The following WDR83 variants were observed in gnomAD, a reference collection of about 807,000 sequenced individuals.
WDR83 encodes the protein WD repeat domain 83, also known as WD repeat domain-containing protein 83.
In WDR83, 37 loss-of-function variants were observed where a neutral mutation model predicts 37.7. The observed-to-expected ratio is 0.98, with a 90% CI of 0.76 to 1.29. The LOEUF (loss-of-function observed/expected upper bound fraction) is 1.29, where lower values mean the gene tolerates loss of function less well. Among genes scored for constraint, WDR83 ranks in the 50% most tolerant of loss-of-function variants. WDR83 has a pLI of 0.00. For missense variants in WDR83, 445 were observed against 414.4 expected (o/e 1.07, Z -0.64); for synonymous variants, 174 against 181.1 (o/e 0.96, Z 0.31).
chr19:12,668,218 G>A (rs137992994), intron 1 of WDR83: 331 of 835,186 alleles, frequency 4.0e-4, no homozygotes, highest in East Asian at 1.9e-3. Flanking sequence ...AAAGGGCCAG[G>A]TTCCCTCTAT....
intron 2 of WDR83, chr19:12,669,401 C>CAT: frequency 6.3e-7 from 1 of 1,596,188 alleles, no homozygotes; most frequent in Non-Finnish European, 8.5e-7. Context: ...TGTTAGTGGA[C>CAT]ATAGCGAGTC....
chr19:12,670,293 A>G lies in WDR83; in HGVS notation c.330+8A>G, dbSNP rs1214716288. 10 of 1,612,902 alleles carry G rather than the reference A, an allele frequency of 6.2e-6. No homozygotes were observed. The East Asian group carries it at 2.2e-4, about 36-fold the overall frequency. ...TTCCGGGGCCACGCAGGGGTGAGTG[A>G]AAGCCTGGAGACCCTCATTTGAGTG... is the stretch of plus-strand genomic sequence containing the variant. On this transcript the variant is annotated splice_region_variant and intron_variant, in intron 5 of 10. Transcript: ENST00000418543.
At chr19:12,670,443 T>C in intron 5 of WDR83, 120 bp from the exon 6 acceptor site, 1 of 1,536,614 alleles carries the variant, frequency 6.5e-7, no homozygotes, top group Non-Finnish European at 8.9e-7. Context: ...CCCCTGTCCT[T>C]GCTGTTCCCC....
rs143946475 is a variant in WDR83, at chr19:12,669,045, AAGAC to A, written c.-37+420_-37+423del. ...CAGGTCCCGCCCCATCAGCAATGAC[AAGAC>A]ACCCCGCTTCATTCCAAACCCGCCC... On this transcript the variant is annotated intron_variant, in intron 2 of 10. Coordinates refer to ENST00000418543, the MANE Select transcript of WDR83 (RefSeq NM_001099737.3). 3.0e-3 allele frequency: 4,368 copies of A among 1,432,360 alleles called. 110 individuals are homozygous for A. In the African/African-American group the frequency reaches 0.053, roughly 18 times the overall value. The allele number at this position is 1,432,360 out of a possible 1,614,324, so 88.7% of individuals were successfully genotyped here.
chr19:12,673,517 A>G lies in WDR83; in HGVS notation c.798+201A>G, dbSNP rs138101261. Among the ~76,000 whole-genome samples, 1,134 of 147,864 alleles carry G rather than the reference A, an allele frequency of 7.7e-3. 12 individuals are homozygous for G. Among genetic ancestry groups the G allele is most frequent in the Middle Eastern group, 0.029 (8 of 278 alleles). On this transcript the variant is annotated intron_variant, in intron 10 of 10. Coordinates refer to ENST00000418543, the MANE Select transcript of WDR83 (RefSeq NM_001099737.3). ...ACTGTAAACTCCGCCTCCCAAGTTCAAGCGATTCTCCTGCCTCAGTCTCCT... is the reference window on the plus strand; with the variant it reads ...ACTGTAAACTCCGCCTCCCAAGTTCGAGCGATTCTCCTGCCTCAGTCTCCT...
At position 12,670,617 on chromosome 19, in the gene WDR83, T is replaced by A; in HGVS notation, c.379+6T>A. On this transcript the variant is annotated splice_donor_region_variant and intron_variant, in intron 6 of 10. Coordinates refer to ENST00000418543, the MANE Select transcript of WDR83 (RefSeq NM_001099737.3). ...GGCCACAGTTATCCTGTCCGGTGAGTCTGGGGCCTAAGCACGGGGGCCCAG... is the reference window on the plus strand; with the variant it reads ...GGCCACAGTTATCCTGTCCGGTGAGACTGGGGCCTAAGCACGGGGGCCCAG... 1 of 1,614,130 alleles carries A rather than the reference T, an allele frequency of 6.2e-7. No individual in the cohort carries two copies. Among genetic ancestry groups the A allele is most frequent in the Non-Finnish European group, 8.5e-7 (1 of 1,180,002 alleles).
chr19:12,669,230 G>T, intron 2 of WDR83: 1 of 1,613,954 alleles, frequency 6.2e-7, no homozygotes, highest in South Asian at 1.1e-5. Context: ...GCGGGGGCTT[G>T]TACCTGCGAC....
At position 12,666,953 on chromosome 19, in the gene WDR83, T is replaced by C; in HGVS notation, c.-196T>C. 2 of 561,452 alleles carry C rather than the reference T, an allele frequency of 3.6e-6. No individual in the cohort carries two copies. The highest frequency in any genetic ancestry group is 2.3e-5 in the South Asian group (1 of 44,278). The allele number at this position is 561,452 out of a possible 1,614,324, so 34.8% of individuals were successfully genotyped here. Reference sequence around the variant, plus strand: ...ACGGGCTATGAAGACGGAATGCCTCTTAATGCCGGAATTCCAAGACGGAAT... The same window carrying C: ...ACGGGCTATGAAGACGGAATGCCTCCTAATGCCGGAATTCCAAGACGGAAT... On this transcript the variant is annotated 5_prime_UTR_variant, in exon 1 of 11. Transcript: ENST00000418543.
At chr19:12,674,515 C>CCA (rs2024513393) in intron 10 of WDR83, among the ~76,000 whole-genome samples, 1 of 152,212 alleles carries the variant, frequency 6.6e-6, no homozygotes, top group Non-Finnish European at 1.5e-5. Flanking sequence ...AATGTTCCAC[C>CCA]TATTTCTTAT....
chr19:12,675,213 G>A (rs182850718), intron 10 of WDR83, among the ~76,000 whole-genome samples: 9 of 152,292 alleles, frequency 5.9e-5, no homozygotes, highest in African/African-American at 1.9e-4. Flanking sequence ...GATCACTTGA[G>A]GCCAGGAGTT....
Position 12,672,846 on chromosome 19 carries a change from G to C in WDR83, c.507-1G>C. The C allele has an allele frequency of 6.3e-7, 1 of 1,579,578 alleles. No individual in the cohort carries two copies. Among genetic ancestry groups the C allele is most frequent in the Non-Finnish European group, 8.6e-7 (1 of 1,162,708 alleles). On this transcript the variant is annotated splice_acceptor_variant, in intron 7 of 10. Coordinates refer to ENST00000418543, the MANE Select transcript of WDR83 (RefSeq NM_001099737.3). LOFTEE classifies it high-confidence loss of function. ...CCCGCTGGATCTACCCTCTCCTGCAGCTCCGTGGATGGCCGCGTGAGACGC... is the reference window on the plus strand; with the variant it reads ...CCCGCTGGATCTACCCTCTCCTGCACCTCCGTGGATGGCCGCGTGAGACGC...
In WDR83 at chr19:12,670,511, T is replaced by C. The variant is rs371362152; in HGVS notation, c.331-52T>C. The C allele has an allele frequency of 7.3e-5, 118 of 1,613,498 alleles. 1 individual carries two copies. The highest frequency in any genetic ancestry group is 9.5e-5 in the Non-Finnish European group (112 of 1,179,566). ...TAACCGACACTGGGAACCCTGCCTT[T>C]ATCCCAGTCCTCCAAAGTCCAGCCT... On this transcript the variant is annotated intron_variant, in intron 5 of 10. Transcript: ENST00000418543.
intron 1 of WDR83, 27 bp from the exon 2 acceptor site, chr19:12,668,481 C>T: frequency 6.2e-7 from 1 of 1,613,556 alleles, no homozygotes; most frequent in Non-Finnish European, 8.5e-7. Flanking sequence ...CCCCCCACCC[C>T]TTACTCAAGA....
chr19:12,673,584 A>G (rs1363473109), intron 10 of WDR83, among the ~76,000 whole-genome samples: 8 of 151,652 alleles, frequency 5.3e-5, no homozygotes, highest in Non-Finnish European at 1.2e-4. Flanking sequence ...CACCCAGCTA[A>G]TTTTTGTATT....
chr19:12,671,496 C>G (rs894525593), intron 7 of WDR83: 1 of 151,562 alleles, frequency 6.6e-6, no homozygotes, highest in Non-Finnish European at 1.5e-5. Flanking sequence ...ACTAAAAATA[C>G]AAAAAATTAG....
chr19:12,670,477 C>T (rs2024379554), intron 5 of WDR83, 86 bp from the exon 6 acceptor site: 4 of 1,601,648 alleles, frequency 2.5e-6, no homozygotes, highest in Non-Finnish European at 3.4e-6. Context: ...CTCCCCTTCG[C>T]CCTTGCTTTA....
chr19:12,668,657 A>G, intron 2 of WDR83, 30 bp downstream of exon 2: 1 of 1,560,240 alleles, frequency 6.4e-7, no homozygotes, highest in South Asian at 1.1e-5. Flanking sequence ...AGTGAAAGGC[A>G]CAACAATGAG....
In WDR83 at chr19:12,670,686, G is replaced by T. The variant is rs2024388569; in HGVS notation, c.380-9G>T. The T allele has an allele frequency of 6.2e-7, 1 of 1,614,196 alleles. No homozygotes were observed. The highest frequency in any genetic ancestry group is 1.3e-5 in the African/African-American group (1 of 75,050). ...CAAACCTGACCTCACCATCATGCTGGCCTCACAGGCTCTATTGATTCCAGT... is the reference window on the plus strand; with the variant it reads ...CAAACCTGACCTCACCATCATGCTGTCCTCACAGGCTCTATTGATTCCAGT... On this transcript the variant is annotated splice_polypyrimidine_tract_variant and intron_variant, in intron 6 of 10. Transcript: ENST00000418543.
chr19:12,671,838 C>T (rs1400085816), intron 7 of WDR83, among the ~76,000 whole-genome samples: 1 of 152,008 alleles, frequency 6.6e-6, no homozygotes, highest in Non-Finnish European at 1.5e-5. Context: ...GCTGGGACTA[C>T]AGTCGCGTGC....
Sources: allele counts gnomAD v4.1 joint callset (sites outside exome capture counted in the v4.1 genomes callset), GRCh38; gene constraint gnomAD v4.1.1; transcripts MANE v1.5; gene names NCBI Gene and HGNC (gene_info 2026-07-23, HGNC 2026-07-21).